POU2AF2: variants seen among roughly 807,000 people sequenced by gnomAD.
POU2AF2 encodes POU class 2 homeobox associating factor 2.
chr11:111,276,439 G>GAAAAAAGAAAA, the POU2AF2 span, among the ~76,000 whole-genome samples: 2 of 44,446 alleles, frequency 4.5e-5, no homozygotes, highest in Non-Finnish European at 8.1e-5. Flanking sequence ...CTACTAAAAA[G>GAAAAAAGAAAA]AAAAAAAAAA....
chr11:111,268,487 A>C, the POU2AF2 span, among the ~76,000 whole-genome samples: 1 of 23,962 alleles, frequency 4.2e-5, no homozygotes, highest in Non-Finnish European at 1.0e-4. Flanking sequence ...TTTTTATTTT[A>C]TTTTATTTTA....
the POU2AF2 span, among the ~76,000 whole-genome samples, chr11:111,246,712 T>C: frequency 4.6e-5 from 7 of 152,218 alleles, no homozygotes; most frequent in Non-Finnish European, 7.3e-5. Flanking sequence ...GTATTGTGTA[T>C]ACTTGAGATT....
chr11:111,250,062 A>G, the POU2AF2 span, among the ~76,000 whole-genome samples: 2 of 152,124 alleles, frequency 1.3e-5, no homozygotes, highest in East Asian at 3.9e-4. Context: ...TTATTTTATC[A>G]TGTCACCACA....
chr11:111,285,777 C>T, the POU2AF2 span: 6 of 1,612,194 alleles, frequency 3.7e-6, no homozygotes, highest in Non-Finnish European at 5.1e-6. Flanking sequence ...GGGAGCATCG[C>T]CCAGCACAGG....
chr11:111,261,967 C>A, the POU2AF2 span, among the ~76,000 whole-genome samples: 1 of 152,252 alleles, frequency 6.6e-6, no homozygotes, highest in Middle Eastern at 3.4e-3. Flanking sequence ...CATATAGAGA[C>A]CAAAAGTGAA....
the POU2AF2 span, among the ~76,000 whole-genome samples, chr11:111,262,755 G>A: frequency 1.4e-4 from 22 of 152,222 alleles, no homozygotes; most frequent in South Asian, 1.2e-3. Flanking sequence ...TGGGCCATGC[G>A]TCTAAGATTT....
At chr11:111,263,700 G>A in the POU2AF2 span, among the ~76,000 whole-genome samples, 1 of 152,114 alleles carries the variant, frequency 6.6e-6, no homozygotes, top group African/African-American at 2.4e-5. Context: ...CAAAGTGCTG[G>A]GATTACAGGC....
the POU2AF2 span, among the ~76,000 whole-genome samples, chr11:111,278,688 C>A: frequency 6.6e-6 from 1 of 152,298 alleles, no homozygotes; most frequent in African/African-American, 2.4e-5. Context: ...GTCTCCTGAA[C>A]TGTGAGAAAT....
the POU2AF2 span, among the ~76,000 whole-genome samples, chr11:111,282,731 T>C: frequency 2.0e-5 from 3 of 152,156 alleles, no homozygotes; most frequent in Non-Finnish European, 4.4e-5. Flanking sequence ...GCTGCTGTGG[T>C]TGGGGTAAGG....
the POU2AF2 span, chr11:111,285,912 TGTCAAATGACCTACCGCCCAAGGTGGGGC>T: frequency 2.5e-6 from 4 of 1,613,870 alleles, no homozygotes; most frequent in South Asian, 3.3e-5. Context: ...TTCATGACGG[TGTCAAATGACCTACCGCCCAAGGTGGGGC>T]CACTCTCCCC....
the POU2AF2 span, chr11:111,245,750 G>A: frequency 2.5e-6 from 1 of 398,420 alleles, no homozygotes; most frequent in Non-Finnish European, 4.4e-6. Context: ...ACCAGGGTCA[G>A]GCTGAGCTTT....
At chr11:111,277,553 G>T in the POU2AF2 span, among the ~76,000 whole-genome samples, 1 of 152,238 alleles carries the variant, frequency 6.6e-6, no homozygotes, top group Non-Finnish European at 1.5e-5. Flanking sequence ...TGGGGCAGAG[G>T]CAGGAGGCAG....
chr11:111,252,775 A>G, the POU2AF2 span, among the ~76,000 whole-genome samples: 1 of 152,068 alleles, frequency 6.6e-6, no homozygotes. Context: ...GCATAAATAG[A>G]TATAAGAACA....
the POU2AF2 span, among the ~76,000 whole-genome samples, chr11:111,264,546 AAG>A: frequency 1.5e-5 from 1 of 68,590 alleles, no homozygotes; most frequent in African/African-American, 5.2e-5. Flanking sequence ...GAAAGAAAGA[AAG>A]AAAGAAAGAA....
chr11:111,279,882 A>G, the POU2AF2 span, among the ~76,000 whole-genome samples: 1 of 151,392 alleles, frequency 6.6e-6, no homozygotes, highest in South Asian at 2.1e-4. Context: ...CTCTACTAAA[A>G]ATGCAAAAAG....
chr11:111,284,012 G>A, the POU2AF2 span: 90 of 1,471,054 alleles, frequency 6.1e-5, no homozygotes, highest in Non-Finnish European at 8.1e-5. Flanking sequence ...AGACTCAGCT[G>A]CAACCGAGGC....
At chr11:111,270,430 G>C in the POU2AF2 span, among the ~76,000 whole-genome samples, 15 of 152,072 alleles carry the variant, frequency 9.9e-5, no homozygotes, top group Non-Finnish European at 1.0e-4. Flanking sequence ...GTCACCTAAG[G>C]CTGGTGATAA....
At chr11:111,253,060 A>G in the POU2AF2 span, among the ~76,000 whole-genome samples, 29 of 152,046 alleles carry the variant, frequency 1.9e-4, no homozygotes, top group Non-Finnish European at 8.8e-5. Context: ...CTTTCTTGAA[A>G]TCTCTTCCCC....
the POU2AF2 span, among the ~76,000 whole-genome samples, chr11:111,272,193 GC>G: frequency 6.6e-6 from 1 of 151,972 alleles, no homozygotes; most frequent in Admixed American, 6.6e-5. Context: ...CTTTTATCTA[GC>G]CTTCAGAACC....
Sources: allele counts gnomAD v4.1 joint callset (sites outside exome capture counted in the v4.1 genomes callset), GRCh38; gene constraint gnomAD v4.1.1; transcripts MANE v1.5; gene names NCBI Gene and HGNC (gene_info 2026-07-23, HGNC 2026-07-21).